Variants in ATXN7L1 observed in about 807,000 individuals in gnomAD.
ATXN7L1 encodes the protein ataxin-7-like protein 1.
Under a neutral mutation model 70.8 loss-of-function variants are expected in ATXN7L1, and 15 were observed. That is an observed-to-expected ratio of 0.21 (90% CI 0.14 to 0.33). The LOEUF is 0.33. Ranked by LOEUF, ATXN7L1 falls within the 10% of genes least tolerant of loss-of-function variation. The pLI, the probability that ATXN7L1 is intolerant of heterozygous loss-of-function variation, is 1.00. For missense variants in ATXN7L1, 975 were observed against 1,097.1 expected (o/e 0.89, Z 1.57); for synonymous variants, 440 against 445.1 (o/e 0.99, Z 0.14).
intron 2 of ATXN7L1, among the ~76,000 whole-genome samples, chr7:105,847,614 A>G (rs1395647387): frequency 6.6e-6 from 1 of 152,222 alleles, no homozygotes; most frequent in Non-Finnish European, 1.5e-5. Context: ...AGGACAGTAG[A>G]AAGTACATGG....
intron 3 of ATXN7L1, among the ~76,000 whole-genome samples, chr7:105,685,632 C>G (rs138813906): frequency 1.3e-5 from 2 of 152,304 alleles, no homozygotes; most frequent in Non-Finnish European, 2.9e-5. Context: ...CACTTTCTCT[C>G]CATGGTCCCC....
chr7:105,740,306 G>A (rs1563055041), intron 3 of ATXN7L1, among the ~76,000 whole-genome samples: 1 of 152,214 alleles, frequency 6.6e-6, no homozygotes, highest in Non-Finnish European at 1.5e-5. Flanking sequence ...CACTGGTTGG[G>A]AAAGCTGGAA....
rs34345388 is a variant in ATXN7L1 at position 105,854,958 on chromosome 7, C to CT, written c.250+20853dup. On this transcript the variant is annotated intron_variant, in intron 2 of 11. Transcript: ENST00000419735. ...GGGAACTTTCTCTTTTCTTCTTCTTCTTTTTTTTTTTTTTTGAGATGGAGT... is the reference window on the plus strand; with the variant it reads ...GGGAACTTTCTCTTTTCTTCTTCTTCTTTTTTTTTTTTTTTTGAGATGGAGT... Among the ~76,000 whole-genome samples the CT allele has an allele frequency of 5.8e-4, 75 of 130,400 alleles. No homozygotes were observed. The East Asian group carries it at 5.8e-3, about 10-fold the overall frequency. The allele number at this position is 130,400 out of a possible 152,430, so 85.5% of individuals were successfully genotyped here.
At chr7:105,809,672 A>G (rs1808130994) in intron 2 of ATXN7L1, among the ~76,000 whole-genome samples, 1 of 152,240 alleles carries the variant, frequency 6.6e-6, no homozygotes, top group South Asian at 2.1e-4. Context: ...CTTCAAGGTA[A>G]GGTGGCATGA....
chr7:105,645,544 C>T (rs1469418800), intron 4 of ATXN7L1, among the ~76,000 whole-genome samples: 1 of 151,736 alleles, frequency 6.6e-6, no homozygotes, highest in Non-Finnish European at 1.5e-5. Context: ...CGCCTGTAAT[C>T]CCAGCACTTT....
chr7:105,627,787 C>T (rs1456157730), intron 7 of ATXN7L1, among the ~76,000 whole-genome samples: 1 of 148,762 alleles, frequency 6.7e-6, no homozygotes, highest in Non-Finnish European at 1.5e-5. Context: ...CCTCCTCCAC[C>T]TTCCAAAGTG....
At chr7:105,781,000 G>A (rs1294529755) in intron 3 of ATXN7L1, among the ~76,000 whole-genome samples, 3 of 152,188 alleles carry the variant, frequency 2.0e-5, no homozygotes, top group Non-Finnish European at 2.9e-5. Flanking sequence ...AACTGGGGGC[G>A]ATTTTGCACC....
At chr7:105,610,927 C>A (rs925976790) in intron 10 of ATXN7L1, among the ~76,000 whole-genome samples, 1 of 152,232 alleles carries the variant, frequency 6.6e-6, no homozygotes, top group African/African-American at 2.4e-5. Context: ...GGGAGCTTCA[C>A]TCAGCAGAGG....
At chr7:105,610,065 C>T (rs1793016155) in intron 11 of ATXN7L1, among the ~76,000 whole-genome samples, 1 of 152,174 alleles carries the variant, frequency 6.6e-6, no homozygotes, top group Admixed American at 6.5e-5. Context: ...GCCACCATGC[C>T]CGGCCGCAAG....
rs1562887508 is a variant in ATXN7L1, at chr7:105,614,010, G to A, written c.2324C>T (p.Ser775Leu). The A allele has an allele frequency of 1.3e-6, 2 of 1,552,070 alleles. No individual in the cohort carries two copies. Among genetic ancestry groups the A allele is most frequent in the South Asian group, 2.4e-5 (2 of 84,062 alleles). ...VSSLPLSFDK[S>L]EGKKRKNSSS... The stretch of plus-strand genomic sequence containing the variant: ...CGAGTTCTTACGCTTTTTTCCTTCT[G>A]ATTTGTCAAAAGAGAGGGGCAGAGA... The change falls in exon 10 of 12, where the codon TCA (serine) becomes TTA (leucine). Residue 775 changes from serine (S) to leucine (L), a missense_variant. Coordinates refer to ENST00000419735, the MANE Select transcript of ATXN7L1 (RefSeq NM_020725.2). The surrounding 1 kb of genome is among the most constrained non-coding windows in gnomAD (Gnocchi z 4.3).
chr7:105,795,870 C>T (rs933119657), intron 2 of ATXN7L1, among the ~76,000 whole-genome samples: 3 of 152,162 alleles, frequency 2.0e-5, no homozygotes, highest in Admixed American at 1.3e-4. Flanking sequence ...CTACCTCAGT[C>T]GCTATAGGAA....
chr7:105,808,535 A>G (rs1446068432), intron 2 of ATXN7L1, among the ~76,000 whole-genome samples: 1 of 152,246 alleles, frequency 6.6e-6, no homozygotes, highest in Non-Finnish European at 1.5e-5. Flanking sequence ...GGAAGGAAGC[A>G]TCAACTAATT....
intron 2 of ATXN7L1, among the ~76,000 whole-genome samples, chr7:105,834,570 A>G (rs896113359): frequency 7.9e-5 from 12 of 152,334 alleles, no homozygotes; most frequent in South Asian, 2.1e-4. Context: ...GTCAAACGTC[A>G]TAACATTTTA....
chr7:105,874,176 GAAC>G (rs1818691187), intron 2 of ATXN7L1, among the ~76,000 whole-genome samples: 1 of 148,520 alleles, frequency 6.7e-6, no homozygotes, highest in East Asian at 2.0e-4. Context: ...GAGAATCTGA[GAAC>G]AACAGTCTTC....
intron 2 of ATXN7L1, among the ~76,000 whole-genome samples, chr7:105,824,153 GA>G (rs1383773332): frequency 1.3e-5 from 2 of 152,178 alleles, no homozygotes; most frequent in Non-Finnish European, 2.9e-5. Flanking sequence ...TGAAAAAACA[GA>G]GAGGAATTCT....
intron 11 of ATXN7L1, among the ~76,000 whole-genome samples, chr7:105,608,148 C>T (rs556697625): frequency 1.1e-4 from 17 of 152,312 alleles, no homozygotes; most frequent in African/African-American, 3.6e-4. Context: ...ACGAATGCCG[C>T]GGACATTCCT....
At chr7:105,774,930 TAAAC>T (rs1026764158) in intron 3 of ATXN7L1, among the ~76,000 whole-genome samples, 2 of 151,950 alleles carry the variant, frequency 1.3e-5, no homozygotes, top group Admixed American at 6.6e-5. Flanking sequence ...ATGACGCTAA[TAAAC>T]AAACAAATAA....
At chr7:105,822,682 C>T (rs1193251985) in intron 2 of ATXN7L1, among the ~76,000 whole-genome samples, 1 of 152,194 alleles carries the variant, frequency 6.6e-6, no homozygotes, top group Non-Finnish European at 1.5e-5. Context: ...TTTATTATCA[C>T]TTTACAAATG....
In ATXN7L1 at chr7:105,624,409, T is replaced by A; in HGVS notation, c.1203-142A>T. 3 of 815,770 alleles carry A rather than the reference T, an allele frequency of 3.7e-6. No individual in the cohort carries two copies. The South Asian group carries it at 1.4e-4, about 39-fold the overall frequency. The allele number at this position is 815,770 out of a possible 1,614,324, so 50.5% of individuals were successfully genotyped here. ...GCTCACGCCTGTAATCCCGGCACTT[T>A]GGGAGGCCAAGGCGGGCAGATGACG... is the stretch of plus-strand genomic sequence containing the variant. On this transcript the variant is annotated intron_variant, in intron 7 of 11. Transcript: ENST00000419735.
Sources: allele counts gnomAD v4.1 joint callset (sites outside exome capture counted in the v4.1 genomes callset), GRCh38; gene constraint gnomAD v4.1.1; non-coding constraint Gnocchi (gnomAD v3.1); transcripts MANE v1.5; gene names NCBI Gene and HGNC (gene_info 2026-07-23, HGNC 2026-07-21).